The following CTNND2 variants were observed in gnomAD, a reference collection of about 807,000 sequenced individuals.
CTNND2 encodes the protein catenin delta 2, also known as catenin delta-2.
CTNND2 carries 22 observed loss-of-function variants against 144.4 expected under a neutral mutation model. That is an observed-to-expected ratio of 0.15 (90% CI 0.11 to 0.22). The LOEUF (loss-of-function observed/expected upper bound fraction) is 0.22. Among genes scored for constraint, CTNND2 ranks in the 10% least tolerant of loss-of-function variants. The probability of loss-of-function intolerance (pLI) is 1.00; values close to 1 mark genes in which losing one functional copy is unlikely to be tolerated. For synonymous variants in CTNND2, 751 were observed against 695.6 expected (o/e 1.08, Z -1.25); for missense variants, 1,353 against 1,618.8 (o/e 0.84, Z 2.82).
At chr5:11,024,200 C>T (rs1392833301) in intron 16 of CTNND2, among the ~76,000 whole-genome samples, 1 of 152,106 alleles carries the variant, frequency 6.6e-6, no homozygotes, top group African/African-American at 2.4e-5. Flanking sequence ...AAAACACAGG[C>T]CCTTGTAATT....
chr5:11,176,430 T>A (rs1760488001), intron 11 of CTNND2, among the ~76,000 whole-genome samples: 1 of 152,148 alleles, frequency 6.6e-6, no homozygotes, highest in African/African-American at 2.4e-5. Context: ...TGGACATTAA[T>A]ATTCACACAC....
At chr5:11,509,273 T>C (rs2150022289) in intron 3 of CTNND2, among the ~76,000 whole-genome samples, 1 of 152,314 alleles carries the variant, frequency 6.6e-6, no homozygotes, top group South Asian at 2.1e-4. Context: ...GGAACAATTC[T>C]CTGTAAATAC....
At chr5:11,834,966 C>A (rs2126969849) in intron 1 of CTNND2, among the ~76,000 whole-genome samples, 1 of 152,006 alleles carries the variant, frequency 6.6e-6, no homozygotes, top group South Asian at 2.1e-4. Flanking sequence ...TGGCAAAATC[C>A]CATCTCTACA....
intron 18 of CTNND2, among the ~76,000 whole-genome samples, chr5:11,007,313 A>T (rs1740583178): frequency 6.6e-6 from 1 of 152,210 alleles, no homozygotes; most frequent in Non-Finnish European, 1.5e-5. Flanking sequence ...GTATACTTTT[A>T]TTTTATGCTA....
chr5:11,392,053 G>A (rs982476794), intron 6 of CTNND2, among the ~76,000 whole-genome samples: 1 of 152,158 alleles, frequency 6.6e-6, no homozygotes, highest in Non-Finnish European at 1.5e-5. Context: ...AATTATGGAG[G>A]AGGGGGAGAG....
At chr5:11,249,480 T>A (rs1743346342) in intron 9 of CTNND2, among the ~76,000 whole-genome samples, 1 of 152,164 alleles carries the variant, frequency 6.6e-6, no homozygotes, top group African/African-American at 2.4e-5. Context: ...AATTTCATGG[T>A]CAGGGGGCTT....
At chr5:11,308,412 T>C (rs1240915250) in intron 9 of CTNND2, among the ~76,000 whole-genome samples, 1 of 152,098 alleles carries the variant, frequency 6.6e-6, no homozygotes, top group Admixed American at 6.5e-5. Flanking sequence ...AAAGCAGCCA[T>C]AGAATAACAA....
chr5:11,689,478 C>A (rs957071575), intron 2 of CTNND2, among the ~76,000 whole-genome samples: 1 of 152,162 alleles, frequency 6.6e-6, no homozygotes, highest in African/African-American at 2.4e-5. Flanking sequence ...GCCATCTAAA[C>A]AATTATCAAC....
intron 10 of CTNND2, among the ~76,000 whole-genome samples, chr5:11,201,112 T>G (rs1186102657): frequency 6.6e-6 from 1 of 152,230 alleles, no homozygotes; most frequent in Non-Finnish European, 1.5e-5. Context: ...GCTATTGAAT[T>G]CTTCATAGGA....
chr5:11,638,324 A>G (rs1437356399), intron 2 of CTNND2, among the ~76,000 whole-genome samples: 1 of 152,164 alleles, frequency 6.6e-6, no homozygotes, highest in Non-Finnish European at 1.5e-5. Context: ...TATGTTTGCC[A>G]ATTTTTTACT....
chr5:11,505,984 T>C (rs1477333573), intron 3 of CTNND2, among the ~76,000 whole-genome samples: 1 of 152,184 alleles, frequency 6.6e-6, no homozygotes, highest in East Asian at 1.9e-4. Context: ...TTCCTCTTGC[T>C]CATAACACCA....
In CTNND2 at chr5:11,704,918, A is replaced by C. The variant is rs143288544; in HGVS notation, c.174+27218T>G. 4.6e-5 allele frequency among the ~76,000 whole-genome samples: 7 copies of C among 151,936 alleles called. No homozygotes were observed. In the East Asian group the frequency reaches 1.4e-3, roughly 30 times the overall value. ...ACAAATGCTAACCTAGTGAAACTAA[A>C]CTAAGGACACACAAAGTCAGTGTGT... On this transcript the variant is annotated intron_variant, in intron 2 of 21. Transcript: ENST00000304623.
chr5:11,059,605 A>G (rs1173113521), intron 16 of CTNND2, among the ~76,000 whole-genome samples: 1 of 152,226 alleles, frequency 6.6e-6, no homozygotes, highest in African/African-American at 2.4e-5. Context: ...GGTTTTAGCT[A>G]TGAGCACAGA....
At chr5:11,757,267 C>T (rs911763084) in intron 1 of CTNND2, among the ~76,000 whole-genome samples, 2 of 151,418 alleles carry the variant, frequency 1.3e-5, no homozygotes, top group Non-Finnish European at 3.0e-5. Context: ...AGGATGTCTT[C>T]GAGACCATTT....
rs775024844 is a variant in CTNND2, at chr5:11,789,213, A to G, written c.38-56941T>C. ...TACCATTTGACCTAACATTATTACT[A>G]CTTTCTAAATTATCCTGGATTATTT... On this transcript the variant is annotated intron_variant, in intron 1 of 21. Coordinates refer to ENST00000304623, the MANE Select transcript of CTNND2 (RefSeq NM_001332.4). 1.2e-4 allele frequency among the ~76,000 whole-genome samples: 18 copies of G among 152,240 alleles called. 1 individual carries two copies. In the South Asian group the frequency reaches 2.3e-3, roughly 19 times the overall value.
At chr5:11,535,460 A>G (rs1774125933) in intron 3 of CTNND2, among the ~76,000 whole-genome samples, 1 of 152,162 alleles carries the variant, frequency 6.6e-6, no homozygotes, top group Admixed American at 6.5e-5. Flanking sequence ...TCCTATAGGT[A>G]GTATCATGAT....
At chr5:11,205,316 A>G (rs1490535595) in intron 10 of CTNND2, among the ~76,000 whole-genome samples, 1 of 152,202 alleles carries the variant, frequency 6.6e-6, no homozygotes, top group Non-Finnish European at 1.5e-5. Flanking sequence ...CCAATGTCTG[A>G]GAACTGGTTT....
intron 2 of CTNND2, among the ~76,000 whole-genome samples, chr5:11,691,033 C>A (rs956628696): frequency 3.3e-5 from 5 of 152,124 alleles, no homozygotes; most frequent in African/African-American, 1.2e-4. Context: ...AACAGTGAGG[C>A]TCCCCAAGAT....
intron 3 of CTNND2, among the ~76,000 whole-genome samples, chr5:11,482,378 T>C (rs949238461): frequency 1.3e-5 from 2 of 152,134 alleles, no homozygotes; most frequent in African/African-American, 4.8e-5. Context: ...CCAGAAATAT[T>C]CAGGATTCAG....
Sources: gnomAD v4.1 joint callset for allele counts (sites outside exome capture counted in the v4.1 genomes callset) on GRCh38, gnomAD v4.1.1 for gene constraint, MANE v1.5 for transcripts, NCBI Gene and HGNC (gene_info 2026-07-23, HGNC 2026-07-21) for gene names.